SLC35D1: variants seen among roughly 807,000 people sequenced by gnomAD.
SLC35D1 encodes the protein solute carrier family 35 member D1.
SLC35D1 carries 31 observed loss-of-function variants against 46.7 expected under a neutral mutation model. That is an observed-to-expected ratio of 0.66 (90% CI 0.50 to 0.90). The LOEUF is 0.90. SLC35D1 is among the 40% of genes least tolerant of loss of function. The pLI is 0.00. For missense variants in SLC35D1, 397 were observed against 426.2 expected, an observed-to-expected ratio of 0.93 and a Z score of 0.60; for synonymous variants, 195 against 164.6, an observed-to-expected ratio of 1.18 and a Z score of -1.41.
chr1:67,038,015 A>G (rs1325580124), intron 8 of SLC35D1, among the ~76,000 whole-genome samples: 1 of 152,234 alleles, frequency 6.6e-6, no homozygotes, highest in Non-Finnish European at 1.5e-5. Context: ...CTTATTTAAA[A>G]AGAGATATCT....
At chr1:67,025,395 A>G (rs1183231798) in intron 8 of SLC35D1, among the ~76,000 whole-genome samples, 1 of 152,170 alleles carries the variant, frequency 6.6e-6, no homozygotes, top group African/African-American at 2.4e-5. Flanking sequence ...CCCACATGGT[A>G]TATTTCTATT....
At chr1:67,050,229 C>T (rs1461959356) in intron 5 of SLC35D1, among the ~76,000 whole-genome samples, 1 of 152,132 alleles carries the variant, frequency 6.6e-6, no homozygotes, top group Non-Finnish European at 1.5e-5. Flanking sequence ...GTAAATCTCA[C>T]GTTCAGATAA....
the SLC35D1 span, among the ~76,000 whole-genome samples, chr1:66,980,161 C>G: frequency 6.6e-6 from 1 of 152,218 alleles, no homozygotes; most frequent in Non-Finnish European, 1.5e-5. Context: ...AGCCTTAGCA[C>G]CTGAAGTCCC....
In SLC35D1 at chr1:67,020,424, A is replaced by G; in HGVS notation, c.821T>C (p.Val274Ala). 5 of 1,610,030 alleles carry G rather than the reference A, an allele frequency of 3.1e-6. No homozygotes were observed. The highest frequency in any genetic ancestry group is 4.3e-6 in the Non-Finnish European group (5 of 1,176,378). The change falls in exon 10 of 12, where the codon GTA becomes GCA. Residue 274 changes from valine (V) to alanine (A), a missense_variant. Coordinates refer to ENST00000235345, the MANE Select transcript of SLC35D1 (RefSeq NM_015139.3). The stretch of plus-strand genomic sequence containing the variant: ...AGCAGAATTATACTGCGTGCAGAGT[A>G]CTGTGGCGTACATTAAGATAAACCT... The part of the protein sequence containing the change: ...VMGFILMYAT[V>A]LCTQYNSALT...
In SLC35D1 at chr1:67,053,997, C is replaced by T. The variant is rs955403119; in HGVS notation, c.17G>A (p.Arg6Lys). The T allele has an allele frequency of 6.2e-7, 1 of 1,611,064 alleles. No homozygotes were observed. The highest frequency in any genetic ancestry group is 2.2e-5 in the East Asian group (1 of 44,774). ...TCCTTTAACCCGAGCATGCTGACGT[C>T]TATGAACTTCCGCCATGGCTGCCGC... Reference protein sequence around the residue: MAEVHRRQHARVKGEA... With the variant: MAEVHKRQHARVKGEA... The change falls in exon 1 of 12, where the codon AGA (arginine) becomes AAA (lysine). Residue 6 changes from arginine to lysine, a missense_variant. Coordinates refer to ENST00000235345, the MANE Select transcript of SLC35D1 (RefSeq NM_015139.3).
rs1312681860 is a variant in SLC35D1, at chr1:67,053,977, T to C, written c.37A>G (p.Lys13Glu). 2.3e-5 allele frequency: 37 copies of C among 1,613,180 alleles called. No homozygotes were observed. The highest frequency in any genetic ancestry group is 3.1e-5 in the Non-Finnish European group (36 of 1,179,544). Residue 13 changes from lysine (K) to glutamate (E), a missense_variant, in exon 1 of 12, where the codon AAA (lysine) becomes GAA (glutamate). Transcript: ENST00000235345. ...GAGGATTTCGCGGGGGCTTCTCCTT[T>C]AACCCGAGCATGCTGACGTCTATGA... ...EVHRRQHARV[K>E]GEAPAKSSTL...
At chr1:66,976,554 T>A in the SLC35D1 span, 2 of 1,528,084 alleles carry the variant, frequency 1.3e-6, no homozygotes, top group Non-Finnish European at 1.8e-6. Context: ...GTAACTTTGT[T>A]AAAAAGGAGA....
chr1:67,051,967 G>C, intron 4 of SLC35D1, 45 bp downstream of exon 4: 1 of 1,263,596 alleles, frequency 7.9e-7, no homozygotes, highest in African/African-American at 1.5e-5. Context: ...ACAATTTTAA[G>C]AATACATTAT....
chr1:67,013,644 G>A lies in SLC35D1; in HGVS notation c.877-4477C>T, dbSNP rs112264432. ...TTGGTACAACATAAAAGAATCTAGA[G>A]GGCACTTCTAATGATTCAGATCCCT... On this transcript the variant is annotated intron_variant, in intron 10 of 11. Coordinates refer to ENST00000235345, the MANE Select transcript of SLC35D1 (RefSeq NM_015139.3). 3.7e-3 allele frequency among the ~76,000 whole-genome samples: 567 copies of A among 152,104 alleles called. 6 individuals carry two copies. Among genetic ancestry groups the A allele is most frequent in the African/African-American group, 0.012 (483 of 41,490 alleles).
the SLC35D1 span, among the ~76,000 whole-genome samples, chr1:66,976,429 T>C: frequency 6.6e-6 from 1 of 152,238 alleles, no homozygotes; most frequent in African/African-American, 2.4e-5. Flanking sequence ...TTAATAGATG[T>C]TTAGAAAGAA....
chr1:67,011,625 G>A (rs1667567545), intron 10 of SLC35D1, among the ~76,000 whole-genome samples: 1 of 152,128 alleles, frequency 6.6e-6, no homozygotes, highest in African/African-American at 2.4e-5. Context: ...TGGGACCACA[G>A]GTGTGTGCCA....
At chr1:66,985,296 A>T in the SLC35D1 span, 1 of 985,314 alleles carries the variant, frequency 1.0e-6, no homozygotes, top group Non-Finnish European at 1.2e-6. Context: ...GATGAATGGG[A>T]AACTCAAGTC....
the SLC35D1 span, among the ~76,000 whole-genome samples, chr1:66,982,207 T>C: frequency 6.6e-6 from 1 of 152,230 alleles, no homozygotes; most frequent in Non-Finnish European, 1.5e-5. Context: ...CTAGTTGGGT[T>C]GATGCCTAGA....
chr1:67,014,935 G>C (rs1667651098), intron 10 of SLC35D1, among the ~76,000 whole-genome samples: 1 of 151,174 alleles, frequency 6.6e-6, no homozygotes, highest in Non-Finnish European at 1.5e-5. Context: ...TCCAGGCATT[G>C]TGTTCACAGC....
At chr1:66,995,972 G>T (rs574628002), downstream of SLC35D1, among the ~76,000 whole-genome samples, 1 of 152,196 alleles carries the variant, frequency 6.6e-6, no homozygotes, top group Non-Finnish European at 1.5e-5. Context: ...ACGAGGGATG[G>T]TATATGAAAT....
At chr1:66,976,831 T>G in the SLC35D1 span, 1 of 948,618 alleles carries the variant, frequency 1.1e-6, no homozygotes, top group African/African-American at 1.7e-5. Flanking sequence ...ATACTTGATC[T>G]TAACCAGAAG....
At position 67,002,317 on chromosome 1, in the gene SLC35D1, A is replaced by G. The variant is rs1383724411; in HGVS notation, c.*2023T>C. The G allele has an allele frequency of 6.6e-6, 1 of 152,336 alleles. No individual in the cohort carries two copies. The highest frequency in any genetic ancestry group is 1.5e-5 in the Non-Finnish European group (1 of 68,038). 9.4% of individuals were successfully genotyped at this position (152,336 alleles called of 1,614,324 possible). A position where few individuals can be genotyped will look rare whatever the true frequency, so the allele number is the denominator to read the frequency against. ...TTTGCAAAGTATGCTCCTCTCTGAC[A>G]CCAAATTCAATCAACTGCTTGCTTT... On this transcript the variant is annotated 3_prime_UTR_variant, in exon 12 of 12. Transcript: ENST00000235345.
the SLC35D1 span, chr1:66,976,556 A>C: frequency 1.3e-6 from 2 of 1,530,346 alleles, no homozygotes; most frequent in East Asian, 4.7e-5. Flanking sequence ...AACTTTGTTA[A>C]AAAGGAGATT....
chr1:67,019,908 T>A (rs1667762150), intron 10 of SLC35D1, among the ~76,000 whole-genome samples: 1 of 152,166 alleles, frequency 6.6e-6, no homozygotes, highest in African/African-American at 2.4e-5. Flanking sequence ...ATTGGAAATG[T>A]CAGACACAGC....
Sources: allele counts gnomAD v4.1 joint callset (sites outside exome capture counted in the v4.1 genomes callset), GRCh38; gene constraint gnomAD v4.1.1; transcripts MANE v1.5; gene names NCBI Gene and HGNC (gene_info 2026-07-23, HGNC 2026-07-21).